The following SRFBP1 variants were observed in gnomAD, a reference collection of about 807,000 sequenced individuals.
The protein encoded by SRFBP1 is serum response factor-binding protein 1.
Under a neutral mutation model 45.5 loss-of-function variants are expected in SRFBP1, and 47 were observed. The ratio of observed to expected loss-of-function variants is 1.03; its 90% CI spans 0.82 to 1.32. The LOEUF (loss-of-function observed/expected upper bound fraction) is 1.32. Ranked by LOEUF, SRFBP1 falls within the 40% of genes most tolerant of loss-of-function variation. The pLI, the probability that SRFBP1 is intolerant of heterozygous loss-of-function variation, is 0.00. For synonymous variants in SRFBP1, 203 were observed against 166.3 expected, an observed-to-expected ratio of 1.22 and a Z score of -1.70; for missense variants, 621 against 484.6, an observed-to-expected ratio of 1.28 and a Z score of -2.64.
chr5:122,025,607 A>G (rs1013980595), intron 7 of SRFBP1, among the ~76,000 whole-genome samples: 1 of 152,054 alleles, frequency 6.6e-6, no homozygotes, highest in Non-Finnish European at 1.5e-5. Context: ...ATTTCTCCAC[A>G]TCCTCTACAG....
At chr5:122,035,180 A>G (rs1753673330) in intron 2 of SRFBP1, among the ~76,000 whole-genome samples, 2 of 151,812 alleles carry the variant, frequency 1.3e-5, no homozygotes, top group Admixed American at 1.3e-4. Context: ...TGTTTTTTCC[A>G]GTAGGGAAAA....
At chr5:122,059,626 G>A (rs933836072) in intron 2 of SRFBP1, among the ~76,000 whole-genome samples, 24 of 152,064 alleles carry the variant, frequency 1.6e-4, no homozygotes, top group African/African-American at 5.6e-4. Context: ...TCTCATTCAA[G>A]CTTCCCATGT....
At position 122,027,321 on chromosome 5, in the gene SRFBP1, C is replaced by T. The variant is rs528333117; in HGVS notation, c.*195C>T. The T allele has an allele frequency of 2.0e-5, 8 of 395,474 alleles. No homozygotes were observed. Among genetic ancestry groups the T allele is most frequent in the African/African-American group, 1.4e-4 (7 of 48,424 alleles). 24.5% of individuals were successfully genotyped at this position (395,474 alleles called of 1,614,324 possible). On this transcript the variant is annotated 3_prime_UTR_variant, in exon 8 of 8. Coordinates refer to ENST00000339397, the MANE Select transcript of SRFBP1 (RefSeq NM_152546.3). ...GACTGCAGGTGCATGCACTACCATG[C>T]CCAGCTTTCTCACCCCAGGCTCTGC...
chr5:122,050,936 T>C (rs553457587), intron 2 of SRFBP1, among the ~76,000 whole-genome samples: 41 of 152,300 alleles, frequency 2.7e-4, no homozygotes, highest in African/African-American at 9.4e-4. Context: ...GTCCTAGAGA[T>C]TCTAGTATGT....
chr5:122,020,442 AC>A lies in SRFBP1; in HGVS notation c.708del (p.Asn236LysfsTer75). ...KLKTLSQTKK[N>X]KGSDSSLSGN... ...AAAACTCTAAGTCAAACCAAAAAAA[AC>A]AAAGGATCTGATAGCTCACTCTCTG... On this transcript the variant is annotated frameshift_variant, in exon 6 of 8. Transcript: ENST00000339397. LOFTEE classifies it high-confidence loss of function. The A allele has an allele frequency of 6.2e-7, 1 of 1,614,150 alleles. No individual in the cohort carries two copies. Among genetic ancestry groups the A allele is most frequent in the Non-Finnish European group, 8.5e-7 (1 of 1,180,006 alleles).
chr5:121,983,420 G>A (rs1752452696), intron 3 of SRFBP1, among the ~76,000 whole-genome samples: 2 of 151,602 alleles, frequency 1.3e-5, no homozygotes, highest in Admixed American at 1.3e-4. Flanking sequence ...CAATTTTGAT[G>A]TTTTTATTTG....
intron 2 of SRFBP1, among the ~76,000 whole-genome samples, chr5:121,974,732 TC>T (rs1752267289): frequency 6.6e-6 from 1 of 151,896 alleles, no homozygotes; most frequent in South Asian, 2.1e-4. Context: ...AACATTGTGT[TC>T]CATGTAATTT....
intron 3 of SRFBP1, among the ~76,000 whole-genome samples, chr5:121,991,891 A>G (rs1227975108): frequency 6.6e-6 from 1 of 152,196 alleles, no homozygotes; most frequent in Non-Finnish European, 1.5e-5. Flanking sequence ...CCGAAGTATA[A>G]ATGGTATAAT....
chr5:121,993,593 C>A (rs1752658599), intron 3 of SRFBP1, among the ~76,000 whole-genome samples: 1 of 152,090 alleles, frequency 6.6e-6, no homozygotes, highest in East Asian at 1.9e-4. Flanking sequence ...CGATTTGAGT[C>A]TTACTTTTCA....
intron 1 of SRFBP1, among the ~76,000 whole-genome samples, chr5:121,966,448 T>G (rs1378033894): frequency 6.6e-6 from 1 of 152,190 alleles, no homozygotes; most frequent in Non-Finnish European, 1.5e-5. Flanking sequence ...GAAGTAGGTA[T>G]ATAATGGGCA....
chr5:122,070,674 T>A (rs1400556535), intron 2 of SRFBP1: 1 of 677,016 alleles, frequency 1.5e-6, no homozygotes, highest in East Asian at 2.7e-5. Context: ...CAAATTAAAT[T>A]TTAAGTTAGT....
intron 2 of SRFBP1, among the ~76,000 whole-genome samples, chr5:122,067,695 A>T (rs542567984): frequency 6.6e-6 from 1 of 152,022 alleles, no homozygotes; most frequent in South Asian, 2.1e-4. Flanking sequence ...TTTTTGTCCA[A>T]CTCGTAACTC....
At chr5:122,014,763 A>G (rs1580526779) in intron 4 of SRFBP1, among the ~76,000 whole-genome samples, 1 of 152,106 alleles carries the variant, frequency 6.6e-6, no homozygotes, top group Non-Finnish European at 1.5e-5. Flanking sequence ...ACAAAATAGC[A>G]TTTACCCCGG....
chr5:122,024,635 G>T (rs541416227), intron 7 of SRFBP1, among the ~76,000 whole-genome samples: 3 of 152,232 alleles, frequency 2.0e-5, no homozygotes, highest in Admixed American at 6.5e-5. Flanking sequence ...CCTAACTGCA[G>T]CAGGAATGGA....
chr5:122,024,528 G>A (rs1401754024), intron 7 of SRFBP1, among the ~76,000 whole-genome samples: 2 of 152,090 alleles, frequency 1.3e-5, no homozygotes, highest in East Asian at 1.9e-4. Flanking sequence ...ATTCATCAGC[G>A]ATAGAAAAGT....
intron 2 of SRFBP1, among the ~76,000 whole-genome samples, chr5:122,062,697 T>A (rs1484436707): frequency 1.3e-5 from 2 of 152,018 alleles, no homozygotes; most frequent in African/African-American, 4.8e-5. Flanking sequence ...ATGAATTGTT[T>A]TTGTGGGTTA....
intron 3 of SRFBP1, among the ~76,000 whole-genome samples, chr5:121,981,381 A>T (rs115569395): frequency 2.0e-5 from 3 of 151,982 alleles, no homozygotes; most frequent in Non-Finnish European, 4.4e-5. Flanking sequence ...TCAAATCATA[A>T]TAGACTTCCT....
downstream of SRFBP1, chr5:122,078,178 G>C (rs979976744): frequency 4.2e-6 from 2 of 478,566 alleles, no homozygotes; most frequent in African/African-American, 2.0e-5. Flanking sequence ...CTGCTCGGAC[G>C]TGGCACCCTT....
chr5:121,997,279 A>G (rs1289589140), intron 4 of SRFBP1, among the ~76,000 whole-genome samples: 3 of 149,214 alleles, frequency 2.0e-5, no homozygotes, highest in Admixed American at 2.0e-4. Context: ...ACAAGGCTAC[A>G]GTAACCAAAA....
Sources: allele counts gnomAD v4.1 joint callset (sites outside exome capture counted in the v4.1 genomes callset), GRCh38; gene constraint gnomAD v4.1.1; transcripts MANE v1.5; gene names NCBI Gene and HGNC (gene_info 2026-07-23, HGNC 2026-07-21).